NEK5: variants seen among roughly 807,000 people sequenced by gnomAD.
NEK5 encodes serine/threonine-protein kinase Nek5.
In NEK5, 88 loss-of-function variants were observed where a neutral mutation model predicts 109.2. The ratio of observed to expected loss-of-function variants is 0.81; its 90% CI spans 0.68 to 0.96. The LOEUF is 0.96. Ranked by LOEUF, NEK5 falls within the 40% of genes least tolerant of loss-of-function variation. NEK5 has a pLI of 0.00. For synonymous variants in NEK5, 283 were observed against 299.9 expected, an observed-to-expected ratio of 0.94 and a Z score of 0.58; for missense variants, 834 against 920.7, an observed-to-expected ratio of 0.91 and a Z score of 1.22.
intron 4 of NEK5, among the ~76,000 whole-genome samples, chr13:52,116,247 A>G (rs1392514182): frequency 6.6e-6 from 1 of 151,806 alleles, no homozygotes; most frequent in Non-Finnish European, 1.5e-5. Context: ...CTTGCTGTAG[A>G]CCCGGCAGGC....
chr13:52,110,864 G>C (rs564773104), intron 5 of NEK5, among the ~76,000 whole-genome samples: 1 of 152,010 alleles, frequency 6.6e-6, no homozygotes, highest in East Asian at 1.9e-4. Context: ...AGGGAAAGAG[G>C]CATGCCGTTC....
chr13:52,093,684 T>C (rs1955346080), intron 12 of NEK5, among the ~76,000 whole-genome samples: 1 of 152,156 alleles, frequency 6.6e-6, no homozygotes, highest in African/African-American at 2.4e-5. Flanking sequence ...CAGAATAATC[T>C]TAAGAGTCCC....
chr13:52,063,327 G>A (rs1000248660), intron 21 of NEK5, among the ~76,000 whole-genome samples: 14 of 152,320 alleles, frequency 9.2e-5, no homozygotes, highest in East Asian at 1.9e-4. Flanking sequence ...TGCCAGCCTC[G>A]GCCTCCCGAG....
At chr13:52,052,422 C>T (rs892931392) in intron 22 of NEK5, among the ~76,000 whole-genome samples, 2 of 152,130 alleles carry the variant, frequency 1.3e-5, no homozygotes, top group Non-Finnish European at 2.9e-5. Flanking sequence ...ATGGGAACAC[C>T]ACCAAGGTAT....
chr13:52,055,727 A>C (rs552368097), intron 22 of NEK5, among the ~76,000 whole-genome samples: 84 of 152,254 alleles, frequency 5.5e-4, no homozygotes, highest in African/African-American at 1.8e-3. Context: ...GAAATAAAAT[A>C]CTTTACAGAC....
At chr13:52,064,507 A>C (rs1954655596) in intron 21 of NEK5, among the ~76,000 whole-genome samples, 1 of 145,146 alleles carries the variant, frequency 6.9e-6, no homozygotes, top group Non-Finnish European at 1.5e-5. Context: ...TGGGGGGGTC[A>C]GCCCCCCGCC....
chr13:52,097,214 G>A (rs1409832526), intron 12 of NEK5, among the ~76,000 whole-genome samples: 1 of 152,218 alleles, frequency 6.6e-6, no homozygotes, highest in Non-Finnish European at 1.5e-5. Context: ...AGTGCAGAGG[G>A]GAAATGTGGC....
intron 19 of NEK5, among the ~76,000 whole-genome samples, chr13:52,074,461 C>T (rs917586741): frequency 5.9e-5 from 9 of 152,134 alleles, no homozygotes; most frequent in Admixed American, 6.6e-5. Flanking sequence ...CCCTACCTTT[C>T]ACTGTATACA....
At chr13:52,126,252 AC>A (rs1315224994) in intron 3 of NEK5, among the ~76,000 whole-genome samples, 1 of 152,220 alleles carries the variant, frequency 6.6e-6, no homozygotes, top group African/African-American at 2.4e-5. Flanking sequence ...ATAAACACTG[AC>A]CAAGGTGGAT....
chr13:52,047,537 T>C (rs937781629), intron 23 of NEK5, among the ~76,000 whole-genome samples: 1 of 152,086 alleles, frequency 6.6e-6, no homozygotes, highest in African/African-American at 2.4e-5. Flanking sequence ...TAAAAGTAAA[T>C]CATGGGCCAA....
chr13:52,063,999 G>C (rs1482927177), intron 21 of NEK5, among the ~76,000 whole-genome samples: 9 of 30,920 alleles, frequency 2.9e-4, no homozygotes, highest in Non-Finnish European at 1.2e-3. Context: ...AGGGAGGTGG[G>C]GGGGGGGGTC....
intron 5 of NEK5, 26 bp downstream of exon 5, chr13:52,112,242 T>C: frequency 7.3e-7 from 1 of 1,378,100 alleles, no homozygotes; most frequent in South Asian, 1.2e-5. Context: ...ATACATAAAA[T>C]TAAAAAGCAA....
chr13:52,078,464 G>T (rs1184697832), intron 17 of NEK5, among the ~76,000 whole-genome samples: 1 of 152,184 alleles, frequency 6.6e-6, no homozygotes, highest in East Asian at 1.9e-4. Context: ...ACAAACTTTT[G>T]CAGGTGATGG....
intron 23 of NEK5, among the ~76,000 whole-genome samples, chr13:52,044,139 A>G (rs1371205006): frequency 6.6e-6 from 1 of 152,238 alleles, no homozygotes; most frequent in Non-Finnish European, 1.5e-5. Context: ...GCTTTCTCCT[A>G]TGCTGGATGC....
chr13:52,054,885 A>G (rs1378264367), intron 22 of NEK5, among the ~76,000 whole-genome samples: 1 of 150,400 alleles, frequency 6.6e-6, no homozygotes, highest in Admixed American at 6.7e-5. Flanking sequence ...TCTAAAAAGC[A>G]GAGCACCTCT....
intron 4 of NEK5, among the ~76,000 whole-genome samples, chr13:52,114,620 T>C (rs1955816892): frequency 6.6e-6 from 1 of 152,176 alleles, no homozygotes. Context: ...AGGCGAAGTC[T>C]AGTTGGGGAG....
Position 52,065,208 on chromosome 13 carries a change from G to A in NEK5, c.1975+276C>T, listed in dbSNP as rs1954667642. On this transcript the variant is annotated intron_variant, in intron 21 of 23. Transcript: ENST00000684899. ...CCTTGGAAGGTAAATCAAGTCAGCT[G>A]TCCTTCCTCACGCATTTTCCCTCAC... 3 of 516,956 alleles carry A rather than the reference G, an allele frequency of 5.8e-6. No homozygotes were observed. The South Asian group carries it at 9.6e-5, about 17-fold the overall frequency. The allele number at this position is 516,956 out of a possible 1,614,324, so 32.0% of individuals were successfully genotyped here.
Position 52,047,744 on chromosome 13 carries a change from T to C in NEK5, c.2228+2360A>G, listed in dbSNP as rs144559535. 6.2e-3 allele frequency among the ~76,000 whole-genome samples: 948 copies of C among 152,174 alleles called. 4 individuals carry two copies. The highest frequency in any genetic ancestry group is 0.021 in the African/African-American group (865 of 41,506). On this transcript the variant is annotated intron_variant, in intron 23 of 23. Transcript: ENST00000684899. Reference sequence around the variant, plus strand: ...CTGTAGTCCCAGCTATTCTGGAGCCTGAGGCAAGAGGATCACTTGAGCCCA... The same window carrying C: ...CTGTAGTCCCAGCTATTCTGGAGCCCGAGGCAAGAGGATCACTTGAGCCCA...
chr13:52,057,207 A>T (rs1954565094), intron 22 of NEK5, among the ~76,000 whole-genome samples: 1 of 152,226 alleles, frequency 6.6e-6, no homozygotes, highest in Non-Finnish European at 1.5e-5. Context: ...GAAGACATGG[A>T]TAAATTCCTC....
Sources: gnomAD v4.1 joint callset for allele counts (sites outside exome capture counted in the v4.1 genomes callset) on GRCh38, gnomAD v4.1.1 for gene constraint, MANE v1.5 for transcripts, NCBI Gene and HGNC (gene_info 2026-07-23, HGNC 2026-07-21) for gene names.